CDH23: variants seen among roughly 807,000 people sequenced by gnomAD.
CDH23 encodes the protein cadherin-23.
A neutral mutation model predicts 317.1 loss-of-function variants in CDH23; 189 were observed. The ratio of observed to expected loss-of-function variants is 0.60; its 90% CI spans 0.53 to 0.67. The LOEUF is 0.67. CDH23 is among the 30% of genes least tolerant of loss of function. The pLI is 0.00. For synonymous variants in CDH23, 1,839 were observed against 1,876.8 expected, an observed-to-expected ratio of 0.98 and a Z score of 0.52; for missense variants, 4,401 against 4,592.4, an observed-to-expected ratio of 0.96 and a Z score of 1.20.
At position 71,805,933 on chromosome 10, in the gene CDH23, A is replaced by G. The variant is rs751421264; in HGVS notation, c.8000A>G (p.Asp2667Gly). 8.1e-6 allele frequency: 13 copies of G among 1,603,246 alleles called. No individual in the cohort carries two copies. The highest frequency in any genetic ancestry group is 1.7e-5 in the Admixed American group (1 of 59,358). ...GNRDWEFFIIDPISGLIQTAQ... is the reference protein window; with the variant it reads ...GNRDWEFFIIGPISGLIQTAQ... ...CGGGACTGGGAGTTCTTCATCATCG[A>G]CCCAATCAGCGGCCTCATCCAGACT... is the stretch of plus-strand genomic sequence containing the variant. The change falls in exon 56 of 70, where the codon GAC becomes GGC. Residue 2667 changes from aspartate (D) to glycine (G), a missense_variant. Transcript: ENST00000224721.
chr10:71,762,295 C>T (rs1166274941), intron 38 of CDH23, among the ~76,000 whole-genome samples: 1 of 152,214 alleles, frequency 6.6e-6, no homozygotes, highest in Non-Finnish European at 1.5e-5. Flanking sequence ...GTGATGCAGT[C>T]GGGTGTGTCC....
rs1427477324 is a variant in CDH23, at chr10:71,439,891, A to G, written c.60A>G (p.Gly20=). Residue 20 remains glycine (G), a synonymous_variant, in exon 2 of 70, where the codon GGA becomes GGG. Transcript: ENST00000224721. ...HVAWLLVLIS[G]CWGQVNRLPF... The stretch of plus-strand genomic sequence containing the variant: ...CCTGGCTTTTGGTGCTGATCTCTGG[A>G]TGCTGGGGTAAGTCCAGTCCTCCCC... The G allele has an allele frequency of 6.4e-7, 1 of 1,572,780 alleles. No homozygotes were observed. The highest frequency in any genetic ancestry group is 8.6e-7 in the Non-Finnish European group (1 of 1,158,004).
chr10:71,581,496 G>A (rs1471997716), intron 9 of CDH23, among the ~76,000 whole-genome samples: 1 of 152,194 alleles, frequency 6.6e-6, no homozygotes, highest in Admixed American at 6.5e-5. Context: ...GTCCCCTCCA[G>A]GCTGTTTATC....
rs558406031 is a variant in CDH23 at position 71,641,462 on chromosome 10, C to A, written c.1135-2399C>A. Among the ~76,000 whole-genome samples the A allele has an allele frequency of 1.1e-3, 164 of 152,304 alleles. 1 individual carries two copies. The highest frequency in any genetic ancestry group is 1.9e-3 in the Non-Finnish European group (128 of 68,024). On this transcript the variant is annotated intron_variant, in intron 11 of 69. Coordinates refer to ENST00000224721, the MANE Select transcript of CDH23 (RefSeq NM_022124.6). ...TCAGGATGGCATCTGCCTGGGACTC[C>A]AAGCTTCTCGACATGGACCCTTTGC...
chr10:71,732,685 A>C, intron 32 of CDH23: 1 of 1,327,388 alleles, frequency 7.5e-7, no homozygotes, highest in Non-Finnish European at 9.6e-7. Flanking sequence ...TAACACATCC[A>C]TTTTCATATG....
intron 43 of CDH23, 90 bp from the exon 44 acceptor site, chr10:71,785,541 G>A: frequency 2.3e-6 from 2 of 858,750 alleles, no homozygotes; most frequent in South Asian, 1.5e-5. Flanking sequence ...AGGCAATTTA[G>A]GGAGGCCAAG....
chr10:71,728,171 A>G (rs1866899675), intron 30 of CDH23, among the ~76,000 whole-genome samples: 3 of 152,122 alleles, frequency 2.0e-5, no homozygotes, highest in African/African-American at 7.2e-5. Flanking sequence ...AGAGTTCCTG[A>G]AATTCATCCA....
At position 71,813,532 on chromosome 10, in the gene CDH23, A is replaced by T. The variant is rs532432867; in HGVS notation, c.9738+184A>T. On this transcript the variant is annotated intron_variant, in intron 69 of 69. Transcript: ENST00000224721. ...GCTTTCTGGGCTTTTGGGGGCTTTC[A>T]CAGGAATGGGGTAGTCTCTAAGGCA... Among the ~76,000 whole-genome samples, 6 of 152,290 alleles carry T rather than the reference A, an allele frequency of 3.9e-5. No homozygotes were observed. In the South Asian group the frequency reaches 1.0e-3, roughly 26 times the overall value.
chr10:71,711,616 A>T (rs1865973685), intron 27 of CDH23: 1 of 152,140 alleles, frequency 6.6e-6, no homozygotes. Context: ...TTAAGCTTAG[A>T]TCCCAAGCAA....
At chr10:71,584,345 C>T (rs118006491) in intron 9 of CDH23, among the ~76,000 whole-genome samples, 67 of 152,166 alleles carry the variant, frequency 4.4e-4, no homozygotes, top group Non-Finnish European at 4.9e-4. Context: ...AATATCAGGC[C>T]GAAACCCCTC....
intron 6 of CDH23, among the ~76,000 whole-genome samples, chr10:71,536,930 C>G (rs1855736752): frequency 6.6e-6 from 1 of 152,120 alleles, no homozygotes; most frequent in Admixed American, 6.5e-5. Flanking sequence ...TCCTGCGAGC[C>G]TTGAGGACAG....
At chr10:71,546,425 G>A (rs905277775) in intron 6 of CDH23, among the ~76,000 whole-genome samples, 1 of 152,212 alleles carries the variant, frequency 6.6e-6, no homozygotes, top group Non-Finnish European at 1.5e-5. Flanking sequence ...TGCAACGCAA[G>A]CAATTTTAAG....
At chr10:71,624,475 C>G (rs993513780) in intron 11 of CDH23, among the ~76,000 whole-genome samples, 13 of 152,180 alleles carry the variant, frequency 8.5e-5, no homozygotes, top group Non-Finnish European at 1.9e-4. Flanking sequence ...GCCACTGTAC[C>G]TCACAGAGCG....
At position 71,705,143 on chromosome 10, in the gene CDH23, A is replaced by T; in HGVS notation, c.2953+13A>T. 1 of 1,603,552 alleles carries T rather than the reference A, an allele frequency of 6.2e-7. No homozygotes were observed. The highest frequency in any genetic ancestry group is 8.5e-7 in the Non-Finnish European group (1 of 1,175,122). ...CTCACCATCCATGGTGAGGGGGCGC[A>T]GGGGCTTCTGCTGTGTGCTCAGTGT... On this transcript the variant is annotated intron_variant, in intron 25 of 69. Transcript: ENST00000224721.
intron 38 of CDH23, among the ~76,000 whole-genome samples, chr10:71,756,835 T>C (rs1307588436): frequency 6.6e-6 from 1 of 152,240 alleles, no homozygotes; most frequent in Non-Finnish European, 1.5e-5. Context: ...GCCTTTCCGC[T>C]ATTTGTTTGG....
rs948448317 is a variant in CDH23 at position 71,797,331 on chromosome 10, T to C, written c.6829+111T>C. 49 of 718,460 alleles carry C rather than the reference T, an allele frequency of 6.8e-5. No homozygotes were observed. The Admixed American group carries it at 1.1e-3, about 16-fold the overall frequency. 44.5% of individuals were successfully genotyped at this position (718,460 alleles called of 1,614,324 possible). A position where few individuals can be genotyped will look rare whatever the true frequency, so the allele number is the denominator to read the frequency against. The stretch of plus-strand genomic sequence containing the variant: ...CCAGGGAGGGAGCAACAAGACCCAG[T>C]TGCTCTGGGGGCCAGGAGTCAGGCA... On this transcript the variant is annotated intron_variant, in intron 49 of 69. Coordinates refer to ENST00000224721, the MANE Select transcript of CDH23 (RefSeq NM_022124.6).
In CDH23 at chr10:71,815,012, C is replaced by A. The variant is rs201727938; in HGVS notation, c.9799C>A (p.Arg3267Ser). The stretch of plus-strand genomic sequence containing the variant: ...CCACAGCCCAGGGCAGGGTAGCCTG[C>A]GCTTCCGCCACAAGCCACCAGTGGA... ...GDHSPGQGSL[R>S]FRHKPPVELK... Residue 3267 changes from arginine (R) to serine (S), a missense_variant, in exon 70 of 70, where the codon CGC (arginine) becomes AGC (serine). Physicochemically the swap from Arg to Ser is moderately radical, Grantham distance 110. This residue lies in a region of CDH23 where 1,144 missense variants were observed against 1,138.2 expected (regional missense o/e 1.01). Coordinates refer to ENST00000224721, the MANE Select transcript of CDH23 (RefSeq NM_022124.6). 3 of 1,612,208 alleles carry A rather than the reference C, an allele frequency of 1.9e-6. No individual in the cohort carries two copies. Among genetic ancestry groups the A allele is most frequent in the Non-Finnish European group, 2.5e-6 (3 of 1,179,692 alleles).
chr10:71,677,094 T>C (rs1485558976), intron 15 of CDH23, among the ~76,000 whole-genome samples: 1 of 152,152 alleles, frequency 6.6e-6, no homozygotes, highest in Non-Finnish European at 1.5e-5. Context: ...TTCCTAGCAT[T>C]CTGGTGCAAA....
At chr10:71,716,024 T>A in intron 28 of CDH23, 1 of 1,500,570 alleles carries the variant, frequency 6.7e-7, no homozygotes, top group East Asian at 2.5e-5. Flanking sequence ...GGGCCGGCCA[T>A]GGCGGAAGCT....
Sources: gnomAD v4.1 joint callset for allele counts (sites outside exome capture counted in the v4.1 genomes callset) on GRCh38, gnomAD v4.1.1 for gene constraint, gnomAD v4.1.1 regional missense constraint, MANE v1.5 for transcripts, NCBI Gene and HGNC (gene_info 2026-07-23, HGNC 2026-07-21) for gene names.